Variants in NRXN1 observed in about 807,000 individuals in gnomAD.
The protein encoded by NRXN1 is neurexin-1.
NRXN1 carries 39 observed loss-of-function variants against 150.9 expected under a neutral mutation model. The ratio of observed to expected loss-of-function variants is 0.26; its 90% CI spans 0.20 to 0.34. NRXN1 has a LOEUF of 0.34. Ranked by LOEUF, NRXN1 falls within the 10% of genes least tolerant of loss-of-function variation. The pLI is 1.00. For synonymous variants in NRXN1, 924 were observed against 757.0 expected (o/e 1.22, Z -3.62); for missense variants, 1,815 against 1,949.9 (o/e 0.93, Z 1.30).
intron 17 of NRXN1, among the ~76,000 whole-genome samples, chr2:50,306,409 A>G (rs2682002): frequency 0.86 from 130,888 of 152,196 alleles, 56,407 homozygotes; most frequent in African/African-American, 0.91. Flanking sequence ...GCTCAGGTGT[A>G]CACACTGAGC....
chr2:50,259,277 A>AT (rs902740147), intron 17 of NRXN1, among the ~76,000 whole-genome samples: 13 of 151,504 alleles, frequency 8.6e-5, no homozygotes, highest in East Asian at 3.9e-4. Context: ...TTTTAGCTAA[A>AT]TTTTTTTTTA....
At chr2:50,176,901 A>G (rs1240514406) in intron 18 of NRXN1, among the ~76,000 whole-genome samples, 2 of 152,138 alleles carry the variant, frequency 1.3e-5, no homozygotes, top group African/African-American at 4.8e-5. Flanking sequence ...CAAGGAAACT[A>G]AGAAAGGTGG....
intron 21 of NRXN1, among the ~76,000 whole-genome samples, chr2:49,971,220 T>C (rs1011681223): frequency 6.6e-6 from 1 of 152,100 alleles, no homozygotes; most frequent in Non-Finnish European, 1.5e-5. Flanking sequence ...ATCCATCATA[T>C]AGTTAATTGA....
At chr2:50,084,260 C>T (rs891391103) in intron 19 of NRXN1, among the ~76,000 whole-genome samples, 2 of 152,296 alleles carry the variant, frequency 1.3e-5, no homozygotes, top group Admixed American at 6.5e-5. Flanking sequence ...GACTGGGTGC[C>T]GCGGAGCAGG....
intron 17 of NRXN1, among the ~76,000 whole-genome samples, chr2:50,455,585 T>C (rs1314351213): frequency 6.6e-6 from 1 of 152,188 alleles, no homozygotes; most frequent in African/African-American, 2.4e-5. Flanking sequence ...ACTTCTGTAA[T>C]GTCTCCTGCA....
intron 5 of NRXN1, among the ~76,000 whole-genome samples, chr2:50,890,557 T>C (rs1680899835): frequency 1.3e-5 from 2 of 151,938 alleles, no homozygotes; most frequent in South Asian, 4.1e-4. Context: ...TCTTTAATGG[T>C]ATTTAACACT....
chr2:50,858,002 G>A (rs1675516910), intron 5 of NRXN1, among the ~76,000 whole-genome samples: 1 of 151,890 alleles, frequency 6.6e-6, no homozygotes, highest in African/African-American at 2.4e-5. Context: ...ACAGCTATGG[G>A]TATCAGAATT....
At chr2:50,345,311 A>G (rs1354489195) in intron 17 of NRXN1, among the ~76,000 whole-genome samples, 4 of 152,104 alleles carry the variant, frequency 2.6e-5, no homozygotes, top group Admixed American at 6.5e-5. Context: ...ATAGTTTTTC[A>G]TATCTAACCA....
intron 15 of NRXN1, among the ~76,000 whole-genome samples, chr2:50,491,189 CT>C (rs1294402401): frequency 6.6e-6 from 1 of 152,072 alleles, no homozygotes; most frequent in Non-Finnish European, 1.5e-5. Context: ...GTGATTATGA[CT>C]TTGAATAGAA....
At chr2:49,923,879 G>A (rs1463627243) in intron 22 of NRXN1, among the ~76,000 whole-genome samples, 2 of 151,798 alleles carry the variant, frequency 1.3e-5, no homozygotes, top group African/African-American at 2.4e-5. Flanking sequence ...TATGCTGAAT[G>A]TGTCATTGCT....
At chr2:50,343,356 G>A (rs1358245173) in intron 17 of NRXN1, among the ~76,000 whole-genome samples, 1 of 152,104 alleles carries the variant, frequency 6.6e-6, no homozygotes, top group Non-Finnish European at 1.5e-5. Context: ...TACTGGCTGA[G>A]CACACTGGTC....
At chr2:51,009,398 G>A (rs1349082695) in intron 2 of NRXN1, 1 of 151,940 alleles carries the variant, frequency 6.6e-6, no homozygotes, top group African/African-American at 2.4e-5. Flanking sequence ...ATGCATCGAT[G>A]AATGAATATA....
intron 17 of NRXN1, among the ~76,000 whole-genome samples, chr2:50,373,632 A>AAGAG (rs2080215081): frequency 1.7e-5 from 1 of 58,454 alleles, no homozygotes. Context: ...AAAGAAAAGA[A>AAGAG]AGAAAGAAAG....
At chr2:50,040,128 G>T (rs1690698677) in intron 21 of NRXN1, among the ~76,000 whole-genome samples, 1 of 152,044 alleles carries the variant, frequency 6.6e-6, no homozygotes, top group African/African-American at 2.4e-5. Flanking sequence ...CAGACAGAAT[G>T]TTAAAGTTAA....
At chr2:50,147,512 A>G (rs1411931040) in intron 18 of NRXN1, among the ~76,000 whole-genome samples, 1 of 151,754 alleles carries the variant, frequency 6.6e-6, no homozygotes, top group Non-Finnish European at 1.5e-5. Flanking sequence ...GCTAGAAAGG[A>G]CAAATGGACA....
chr2:50,042,358 A>T (rs1254595807), intron 21 of NRXN1, among the ~76,000 whole-genome samples: 1 of 152,126 alleles, frequency 6.6e-6, no homozygotes, highest in Non-Finnish European at 1.5e-5. Context: ...GTAAGTTCTC[A>T]TGAGATAAGG....
At chr2:50,138,959 G>A (rs17505257) in intron 18 of NRXN1, among the ~76,000 whole-genome samples, 28,302 of 152,186 alleles carry the variant, frequency 0.19, 3,221 homozygotes, top group Middle Eastern at 0.26. Flanking sequence ...GCCAAGTTGA[G>A]AGGTGCAGAT....
At chr2:50,704,031 G>C (rs531683719) in intron 5 of NRXN1, among the ~76,000 whole-genome samples, 32 of 151,962 alleles carry the variant, frequency 2.1e-4, no homozygotes, top group Non-Finnish European at 4.6e-4. Context: ...ATCACTTCTG[G>C]TGGATTGAAT....
intron 21 of NRXN1, among the ~76,000 whole-genome samples, chr2:50,027,672 T>C (rs1688572356): frequency 6.6e-6 from 1 of 152,144 alleles, no homozygotes; most frequent in African/African-American, 2.4e-5. Context: ...GCTCAAGTTA[T>C]CCTCCCGCCT....
Sources: allele counts gnomAD v4.1 joint callset (sites outside exome capture counted in the v4.1 genomes callset), GRCh38; gene constraint gnomAD v4.1.1; transcripts MANE v1.5; gene names NCBI Gene and HGNC (gene_info 2026-07-23, HGNC 2026-07-21).